Variants in TENM1 observed in about 807,000 individuals in gnomAD.
The protein encoded by TENM1 is teneurin-1.
A neutral mutation model predicts 174.8 loss-of-function variants in TENM1; 35 were observed. The ratio of observed to expected loss-of-function variants is 0.20; its 90% CI spans 0.15 to 0.27. The LOEUF is 0.27. TENM1 is among the 10% of genes least tolerant of loss of function. The probability of loss-of-function intolerance (pLI) is 1.00; values close to 1 mark genes in which losing one functional copy is unlikely to be tolerated. For synonymous variants in TENM1, 781 were observed against 798.7 expected (o/e 0.98, Z 0.37); for missense variants, 1,633 against 2,130.1 (o/e 0.77, Z 4.59).
intron 3 of TENM1, among the ~76,000 whole-genome samples, chrX:124,807,991 C>T (rs1006448644): frequency 2.7e-5 from 3 of 110,488 alleles, no homozygotes; most frequent in African/African-American, 9.9e-5. Context: ...AGTAAGTCCT[C>T]ACCTTGAATG....
chrX:124,737,230 GACTT>G lies in TENM1; in HGVS notation c.536-37_536-34del. 4 of 1,138,014 alleles carry G rather than the reference GACTT, an allele frequency of 3.5e-6. No homozygotes were observed. The South Asian group carries it at 8.6e-5, about 24-fold the overall frequency. The allele number at this position is 1,138,014 out of a possible 1,213,427, so 93.8% of individuals were successfully genotyped here. A position where few individuals can be genotyped will look rare whatever the true frequency, so the allele number is the denominator to read the frequency against. The stretch of plus-strand genomic sequence containing the variant: ...GGAGAGAAGAGAAACATAAAATAGA[GACTT>G]ACTCTCCCACTTGGCAGTCAGGGAA... On this transcript the variant is annotated intron_variant, in intron 3 of 31. Coordinates refer to ENST00000422452, the Ensembl canonical transcript of TENM1.
chrX:124,960,507 A>G (rs1186029266), intron 1 of TENM1, among the ~76,000 whole-genome samples: 1 of 112,005 alleles, frequency 8.9e-6, no homozygotes, highest in Non-Finnish European at 1.9e-5. Flanking sequence ...GACACATATT[A>G]ATTTGTAAAT....
chrX:124,804,254 C>T (rs186934331), intron 3 of TENM1, among the ~76,000 whole-genome samples: 2 of 111,924 alleles, frequency 1.8e-5, no homozygotes, highest in Non-Finnish European at 3.8e-5. Context: ...AAATGCATAA[C>T]ATTTTTCATG....
chrX:124,722,206 A>G (rs1421728595), intron 4 of TENM1, among the ~76,000 whole-genome samples: 5 of 112,562 alleles, frequency 4.4e-5, no homozygotes, highest in Non-Finnish European at 7.5e-5. Context: ...TATGAAGCTA[A>G]TATCATGTTG....
the TENM1 span, among the ~76,000 whole-genome samples, chrX:125,193,935 C>G: frequency 9.1e-6 from 1 of 110,326 alleles, no homozygotes. Flanking sequence ...AAGAGATGTA[C>G]CACCACGCCC....
At chrX:124,924,841 C>T (rs2058070300) in intron 1 of TENM1, among the ~76,000 whole-genome samples, 1 of 110,856 alleles carries the variant, frequency 9.0e-6, no homozygotes, top group Non-Finnish European at 1.9e-5. Flanking sequence ...CTTCACTGTG[C>T]ACTATCGAAG....
At chrX:125,091,227 A>G in the TENM1 span, among the ~76,000 whole-genome samples, 1 of 110,981 alleles carries the variant, frequency 9.0e-6, no homozygotes, top group African/African-American at 3.3e-5. Flanking sequence ...AAAGAGAAAA[A>G]AAAAAGCTTG....
chrX:124,451,292 C>CA (rs1450073795), intron 23 of TENM1, among the ~76,000 whole-genome samples: 2 of 109,673 alleles, frequency 1.8e-5, no homozygotes, highest in Admixed American at 1.9e-4. Flanking sequence ...AAAAAAAAAC[C>CA]AAAAAAACAC....
chrX:124,458,230 A>G (rs965244698), intron 22 of TENM1, among the ~76,000 whole-genome samples: 17 of 112,341 alleles, frequency 1.5e-4, no homozygotes, highest in Non-Finnish European at 3.0e-4. Context: ...TCTTCAACCC[A>G]TCTGACTACT....
chrX:124,773,391 G>A (rs1449605845), intron 3 of TENM1, among the ~76,000 whole-genome samples: 16 of 107,345 alleles, frequency 1.5e-4, no homozygotes, highest in African/African-American at 5.1e-4. Context: ...GGCAATAATG[G>A]TGGACTAGAA....
the TENM1 span, among the ~76,000 whole-genome samples, chrX:125,121,841 G>T: frequency 8.9e-6 from 1 of 112,461 alleles, no homozygotes; most frequent in African/African-American, 3.2e-5. Flanking sequence ...GGGATGCCAA[G>T]GCAGGAGGAT....
the TENM1 span, among the ~76,000 whole-genome samples, chrX:125,025,782 C>A: frequency 1.8e-5 from 2 of 111,059 alleles, no homozygotes; most frequent in African/African-American, 6.6e-5. Context: ...AGTCCCAAAC[C>A]CCTTGTATAA....
intron 15 of TENM1, among the ~76,000 whole-genome samples, chrX:124,541,069 T>C (rs1293298018): frequency 3.6e-5 from 4 of 112,528 alleles, no homozygotes; most frequent in Non-Finnish European, 5.6e-5. Flanking sequence ...ATATTATCAC[T>C]ATATCTTTCA....
chrX:124,590,412 C>A (rs2049705289), intron 11 of TENM1, among the ~76,000 whole-genome samples: 1 of 109,897 alleles, frequency 9.1e-6, no homozygotes, highest in Admixed American at 9.8e-5. Flanking sequence ...ACCTAGGAAT[C>A]CAACTTACAA....
At chrX:125,136,546 C>T in the TENM1 span, among the ~76,000 whole-genome samples, 1 of 111,326 alleles carries the variant, frequency 9.0e-6, no homozygotes, top group Admixed American at 9.6e-5. Context: ...AGGTTCAAAC[C>T]TAGTACTGAT....
At chrX:124,416,618 C>T (rs1031114316) in intron 25 of TENM1, among the ~76,000 whole-genome samples, 5 of 111,891 alleles carry the variant, frequency 4.5e-5, no homozygotes, top group Non-Finnish European at 9.4e-5. Context: ...TGTGTCACAG[C>T]GCCTGCTCTT....
chrX:124,688,265 CT>C (rs1455468495), intron 5 of TENM1, among the ~76,000 whole-genome samples: 2 of 107,029 alleles, frequency 1.9e-5, no homozygotes, highest in Middle Eastern at 4.8e-3. Context: ...TTTCCCTTCC[CT>C]TTTTTTTCTT....
At chrX:124,975,450 T>C in the TENM1 span, among the ~76,000 whole-genome samples, 4 of 112,124 alleles carry the variant, frequency 3.6e-5, no homozygotes, top group African/African-American at 1.3e-4. Context: ...ATACAGTATC[T>C]TGAAAAGTAA....
At chrX:124,644,853 T>C (rs1244455081) in intron 10 of TENM1, among the ~76,000 whole-genome samples, 1 of 111,340 alleles carries the variant, frequency 9.0e-6, no homozygotes. Flanking sequence ...CCTAAAATCA[T>C]CAATATGGAC....
Sources: allele counts gnomAD v4.1 joint callset (sites outside exome capture counted in the v4.1 genomes callset), GRCh38; gene constraint gnomAD v4.1.1; transcripts MANE v1.5; gene names NCBI Gene and HGNC (gene_info 2026-07-23, HGNC 2026-07-21).